EPS15: variants seen among roughly 807,000 people sequenced by gnomAD.
The protein encoded by EPS15 is epidermal growth factor receptor substrate 15.
A neutral mutation model predicts 113.8 loss-of-function variants in EPS15; 72 were observed. The observed-to-expected ratio is 0.63, with a 90% CI of 0.52 to 0.77. The LOEUF (loss-of-function observed/expected upper bound fraction) is 0.77. EPS15 is among the 30% of genes least tolerant of loss of function. EPS15 has a pLI of 0.00. For synonymous variants in EPS15, 344 were observed against 363.4 expected (o/e 0.95, Z 0.61); for missense variants, 1,048 against 1,045.8 (o/e 1.00, Z -0.03).
intron 1 of EPS15, among the ~76,000 whole-genome samples, chr1:51,516,944 T>C (rs192937595): frequency 6.6e-6 from 1 of 152,146 alleles, no homozygotes; most frequent in Non-Finnish European, 1.5e-5. Flanking sequence ...TGCCTATGTC[T>C]AAATGTGTGT....
At chr1:51,426,891 A>G (rs917391010) in intron 12 of EPS15, among the ~76,000 whole-genome samples, 1 of 151,506 alleles carries the variant, frequency 6.6e-6, no homozygotes, top group African/African-American at 2.4e-5. Flanking sequence ...ATACACACAC[A>G]TATATATACA....
At chr1:51,431,729 G>A (rs917830767) in intron 12 of EPS15, among the ~76,000 whole-genome samples, 5 of 152,082 alleles carry the variant, frequency 3.3e-5, no homozygotes, top group Non-Finnish European at 7.4e-5. Context: ...TTACAGGCGT[G>A]AGTTACCGCG....
chr1:51,515,431 C>T (rs1233237085), intron 1 of EPS15, among the ~76,000 whole-genome samples: 1 of 151,188 alleles, frequency 6.6e-6, no homozygotes, highest in Non-Finnish European at 1.5e-5. Flanking sequence ...CTGATCATGC[C>T]ACTGTACTCC....
intron 12 of EPS15, chr1:51,423,643 G>A (rs759583929): frequency 3.2e-5 from 32 of 984,860 alleles, no homozygotes; most frequent in Non-Finnish European, 3.7e-5. Context: ...GATCAGCAGT[G>A]CACACATTTG....
intron 20 of EPS15, among the ~76,000 whole-genome samples, chr1:51,398,053 G>A (rs372012444): frequency 2.0e-5 from 3 of 150,804 alleles, no homozygotes; most frequent in Admixed American, 1.3e-4. Flanking sequence ...ACAAGATGAA[G>A]ATTTTTTTTT....
chr1:51,373,342 T>G (rs551272116), intron 21 of EPS15: 9 of 152,638 alleles, frequency 5.9e-5, no homozygotes, highest in Non-Finnish European at 1.2e-4. Flanking sequence ...CGGGTCACTC[T>G]TGAATGGATA....
At chr1:51,372,397 CA>C in intron 21 of EPS15, 3 of 536,016 alleles carry the variant, frequency 5.6e-6, no homozygotes, top group Non-Finnish European at 1.1e-5. Context: ...TCATGGCAGA[CA>C]AAAGTACTTG....
At chr1:51,363,842 G>C in intron 23 of EPS15, 24 bp downstream of exon 23, 4 of 1,591,956 alleles carry the variant, frequency 2.5e-6, no homozygotes, top group Non-Finnish European at 3.4e-6. Context: ...GCAGTTGACT[G>C]AAGAAAAGTA....
At chr1:51,478,502 T>A (rs1462959270) in intron 2 of EPS15, among the ~76,000 whole-genome samples, 1 of 151,636 alleles carries the variant, frequency 6.6e-6, no homozygotes, top group Non-Finnish European at 1.5e-5. Flanking sequence ...GTCATTATGA[T>A]GTTAGCTGGT....
At chr1:51,427,787 C>A (rs1286816064) in intron 12 of EPS15, among the ~76,000 whole-genome samples, 1 of 151,988 alleles carries the variant, frequency 6.6e-6, no homozygotes, top group Non-Finnish European at 1.5e-5. Flanking sequence ...AGAGAGCTTA[C>A]GTAAGAAAGC....
chr1:51,461,860 A>T (rs1186736181), intron 7 of EPS15: 1 of 152,232 alleles, frequency 6.6e-6, no homozygotes, highest in Non-Finnish European at 1.5e-5. Flanking sequence ...AGCAGCTAGC[A>T]TTCAAAGAGT....
At chr1:51,396,466 G>A (rs1326228824) in intron 20 of EPS15, among the ~76,000 whole-genome samples, 1 of 152,118 alleles carries the variant, frequency 6.6e-6, no homozygotes, top group Admixed American at 6.5e-5. Flanking sequence ...ATGATACTCA[G>A]GAAATGCTCA....
chr1:51,361,054 T>C, intron 24 of EPS15, 117 bp downstream of exon 24: 1 of 762,832 alleles, frequency 1.3e-6, no homozygotes, highest in Non-Finnish European at 2.2e-6. Flanking sequence ...GAATGAAAGA[T>C]CATTTTTAGT....
intron 1 of EPS15, among the ~76,000 whole-genome samples, chr1:51,504,846 C>G (rs930415269): frequency 6.6e-6 from 1 of 152,154 alleles, no homozygotes; most frequent in Non-Finnish European, 1.5e-5. Context: ...AGCAGCCGAG[C>G]GTGGTGGCTC....
chr1:51,501,731 G>A (rs920946772), intron 1 of EPS15, among the ~76,000 whole-genome samples: 4 of 151,900 alleles, frequency 2.6e-5, no homozygotes, highest in African/African-American at 4.8e-5. Context: ...CACCCTCCTC[G>A]GCCTCCCAAA....
intron 23 of EPS15, among the ~76,000 whole-genome samples, chr1:51,361,921 T>G (rs1488360290): frequency 6.6e-6 from 1 of 152,156 alleles, no homozygotes; most frequent in Non-Finnish European, 1.5e-5. Flanking sequence ...TATTTCAAAA[T>G]GAAGAAAAAA....
intron 12 of EPS15, among the ~76,000 whole-genome samples, chr1:51,440,068 T>C (rs1652464116): frequency 6.6e-6 from 1 of 151,962 alleles, no homozygotes; most frequent in Admixed American, 6.6e-5. Context: ...TAATGGCACG[T>C]CATTGTTTAT....
intron 1 of EPS15, among the ~76,000 whole-genome samples, chr1:51,486,400 G>A (rs1321173747): frequency 7.1e-6 from 1 of 141,666 alleles, no homozygotes; most frequent in African/African-American, 2.6e-5. Context: ...ACTCCAGCCT[G>A]GGCTACAAGA....
At chr1:51,383,180 C>G (rs1034768379) in intron 21 of EPS15, among the ~76,000 whole-genome samples, 2 of 152,104 alleles carry the variant, frequency 1.3e-5, no homozygotes, top group African/African-American at 4.8e-5. Flanking sequence ...AATTCAAAAC[C>G]CTTTCATGAT....
Sources: allele counts gnomAD v4.1 joint callset (sites outside exome capture counted in the v4.1 genomes callset), GRCh38; gene constraint gnomAD v4.1.1; transcripts MANE v1.5; gene names NCBI Gene and HGNC (gene_info 2026-07-23, HGNC 2026-07-21).